The following PLXNA4 variants were observed in gnomAD, a reference collection of about 807,000 sequenced individuals.
PLXNA4 encodes the protein plexin A4, also known as plexin-A4.
In PLXNA4, 44 loss-of-function variants were observed where a neutral mutation model predicts 191.8. The observed-to-expected ratio is 0.23, with a 90% CI of 0.18 to 0.29. PLXNA4 has a LOEUF of 0.29. PLXNA4 is among the 10% of genes least tolerant of loss of function. PLXNA4 has a pLI of 1.00. For missense variants in PLXNA4, 1,800 were observed against 2,488.8 expected (o/e 0.72, Z 5.89); for synonymous variants, 1,082 against 1,009.5 (o/e 1.07, Z -1.36).
At chr7:132,445,157 GAAAAAAAAAAA>G (rs71529762) in intron 3 of PLXNA4, among the ~76,000 whole-genome samples, 13 of 53,800 alleles carry the variant, frequency 2.4e-4, no homozygotes, top group Admixed American at 6.2e-4. Context: ...TCCATCTCAG[GAAAAAAAAAAA>G]AAAAAAAAAA....
At chr7:132,242,151 ATT>A (rs397890019) in intron 4 of PLXNA4, among the ~76,000 whole-genome samples, 2 of 148,088 alleles carry the variant, frequency 1.4e-5, no homozygotes, top group African/African-American at 2.5e-5. Flanking sequence ...TACAAAAAGT[ATT>A]TTTTTTTTTT....
intron 1 of PLXNA4, among the ~76,000 whole-genome samples, chr7:132,533,392 T>C (rs1440887892): frequency 6.6e-6 from 1 of 152,040 alleles, no homozygotes; most frequent in Non-Finnish European, 1.5e-5. Context: ...GCCCCCAACA[T>C]GAAAAGAATT....
Position 132,562,644 on chromosome 7 carries a change from CTCCTCCTCCTCCTCCTTCTCT to C in PLXNA4, c.-87+13757_-87+13777del, listed in dbSNP as rs1285506871. Among the ~76,000 whole-genome samples the C allele has an allele frequency of 1.7e-3, 164 of 93,856 alleles. 1 individual carries two copies. The highest frequency in any genetic ancestry group is 9.6e-3 in the Middle Eastern group (1 of 104). The allele number at this position is 93,856 out of a possible 152,430, so 61.6% of individuals were successfully genotyped here. A position where few individuals can be genotyped will look rare whatever the true frequency, so the allele number is the denominator to read the frequency against. ...CTTCCTCCTCCTTCTCCTCCTCTTTCTCCTCCTCCTCCTCCTTCTCTTCCTCCTCCTCCTCCTCTCCTCCTT... is the reference window on the plus strand; with the variant it reads ...CTTCCTCCTCCTTCTCCTCCTCTTTCTCCTCCTCCTCCTCCTCTCCTCCTT... On this transcript the variant is annotated intron_variant, in intron 1 of 31. Transcript: ENST00000321063.
chr7:132,352,724 G>A (rs1803541887), intron 3 of PLXNA4, among the ~76,000 whole-genome samples: 1 of 152,242 alleles, frequency 6.6e-6, no homozygotes, highest in East Asian at 1.9e-4. Context: ...ACGTAAAATA[G>A]GAACACGCTT....
chr7:132,163,053 C>A (rs570096135), intron 24 of PLXNA4, among the ~76,000 whole-genome samples: 7 of 152,218 alleles, frequency 4.6e-5, no homozygotes, highest in African/African-American at 1.4e-4. Context: ...CCGTCCTCCT[C>A]GTTCCCTTCT....
At chr7:132,526,117 T>G (rs13235725) in intron 1 of PLXNA4, among the ~76,000 whole-genome samples, 3,168 of 152,264 alleles carry the variant, frequency 0.021, 66 homozygotes, top group Middle Eastern at 0.051. Flanking sequence ...TTAGAGCAAT[T>G]TGCTTCACTT....
chr7:132,198,075 G>A (rs963248560), intron 13 of PLXNA4, among the ~76,000 whole-genome samples: 2 of 152,194 alleles, frequency 1.3e-5, no homozygotes, highest in Non-Finnish European at 2.9e-5. Flanking sequence ...CTCAGAGTGG[G>A]TGTGAATTTC....
chr7:132,375,012 A>G (rs1236017971), intron 3 of PLXNA4, among the ~76,000 whole-genome samples: 1 of 152,226 alleles, frequency 6.6e-6, no homozygotes, highest in Non-Finnish European at 1.5e-5. Context: ...AAGAAAGGCG[A>G]GGCTGTCCCC....
At chr7:132,189,461 G>A (rs1040365962) in intron 14 of PLXNA4, among the ~76,000 whole-genome samples, 2 of 152,108 alleles carry the variant, frequency 1.3e-5, no homozygotes, top group African/African-American at 4.8e-5. Context: ...GACAGCCCAG[G>A]GTGTTAATCT....
At chr7:132,469,528 T>C (rs2117406932) in intron 3 of PLXNA4, among the ~76,000 whole-genome samples, 1 of 152,354 alleles carries the variant, frequency 6.6e-6, no homozygotes, top group African/African-American at 2.4e-5. Context: ...AACCCTGGGA[T>C]TGAAGACTGA....
At position 132,178,841 on chromosome 7, in the gene PLXNA4, T is replaced by C. The variant is rs1289391132; in HGVS notation, c.3874+846A>G. ...TAAATGAAACACATACACATACACA[T>C]ATATACACACACACACACACACACA... On this transcript the variant is annotated intron_variant, in intron 20 of 31. Coordinates refer to ENST00000321063, the MANE Select transcript of PLXNA4 (RefSeq NM_020911.2). Among the ~76,000 whole-genome samples the C allele has an allele frequency of 1.3e-3, 53 of 42,024 alleles. 1 individual carries two copies. The highest frequency in any genetic ancestry group is 3.1e-3 in the East Asian group (5 of 1,602). The allele number at this position is 42,024 out of a possible 152,430, so 27.6% of individuals were successfully genotyped here. A position where few individuals can be genotyped will look rare whatever the true frequency, so the allele number is the denominator to read the frequency against.
At chr7:132,232,636 C>A (rs1798561201) in intron 5 of PLXNA4, among the ~76,000 whole-genome samples, 1 of 152,156 alleles carries the variant, frequency 6.6e-6, no homozygotes, top group Admixed American at 6.5e-5. Flanking sequence ...CCAGTGGTTC[C>A]AATGAGATTA....
At chr7:132,192,661 G>A (rs967174637) in intron 14 of PLXNA4, among the ~76,000 whole-genome samples, 5 of 152,122 alleles carry the variant, frequency 3.3e-5, no homozygotes, top group Non-Finnish European at 7.4e-5. Flanking sequence ...ATCACTTCAG[G>A]CTTCCAGCTT....
intron 25 of PLXNA4, among the ~76,000 whole-genome samples, chr7:132,154,820 C>T (rs937195829): frequency 1.3e-5 from 2 of 152,148 alleles, no homozygotes; most frequent in Admixed American, 6.5e-5. Context: ...CAGCTCTGCC[C>T]GGCAGCCGGA....
chr7:132,205,489 GTGTGTGTT>G (rs1321500100), intron 10 of PLXNA4, among the ~76,000 whole-genome samples: 5 of 152,252 alleles, frequency 3.3e-5, no homozygotes, highest in African/African-American at 7.2e-5. Flanking sequence ...CTCCTTCCTT[GTGTGTGTT>G]TGTGTGTTTG....
At chr7:132,422,647 G>A (rs1460841765) in intron 3 of PLXNA4, among the ~76,000 whole-genome samples, 1 of 152,220 alleles carries the variant, frequency 6.6e-6, no homozygotes, top group African/African-American at 2.4e-5. Flanking sequence ...AATTCACGAT[G>A]TGCTTAGTCA....
chr7:132,199,481 A>C lies in PLXNA4; in HGVS notation c.2587-845T>G, dbSNP rs1584832103. Among the ~76,000 whole-genome samples the C allele has an allele frequency of 2.0e-5, 3 of 152,316 alleles. No homozygotes were observed. In the South Asian group the frequency reaches 6.2e-4, roughly 32 times the overall value. ...CATGATTAAAATGTGAGGACTCAGCATCCAAGTGCCTGCTTTGAGGTGAGG... is the reference window on the plus strand; with the variant it reads ...CATGATTAAAATGTGAGGACTCAGCCTCCAAGTGCCTGCTTTGAGGTGAGG... On this transcript the variant is annotated intron_variant, in intron 12 of 31. Coordinates refer to ENST00000321063, the MANE Select transcript of PLXNA4 (RefSeq NM_020911.2).
chr7:132,362,078 C>A (rs1803965280), intron 3 of PLXNA4, among the ~76,000 whole-genome samples: 1 of 152,172 alleles, frequency 6.6e-6, no homozygotes, highest in African/African-American at 2.4e-5. Context: ...CCACTACAGC[C>A]ACCAGGGGTT....
intron 21 of PLXNA4, among the ~76,000 whole-genome samples, chr7:132,169,831 T>G (rs945407665): frequency 3.3e-5 from 5 of 151,942 alleles, no homozygotes; most frequent in Admixed American, 2.0e-4. Context: ...GTGCGTGATT[T>G]GTATGCATGC....
Sources: allele counts gnomAD v4.1 joint callset (sites outside exome capture counted in the v4.1 genomes callset), GRCh38; gene constraint gnomAD v4.1.1; transcripts MANE v1.5; gene names NCBI Gene and HGNC (gene_info 2026-07-23, HGNC 2026-07-21).